DPYD: variants seen among roughly 807,000 people sequenced by gnomAD.
DPYD encodes dihydropyrimidine dehydrogenase [NADP(+)].
A neutral mutation model predicts 116.2 loss-of-function variants in DPYD; 109 were observed. The ratio of observed to expected loss-of-function variants is 0.94; its 90% confidence interval spans 0.80 to 1.10. The LOEUF (loss-of-function observed/expected upper bound fraction) is 1.10, where lower values mean the gene tolerates loss of function less well. DPYD is among the 50% of genes least tolerant of loss of function. The probability of loss-of-function intolerance (pLI) is 0.00; values close to 1 mark genes in which losing one functional copy is unlikely to be tolerated. For missense variants in DPYD, 1,302 were observed against 1,254.5 expected (o/e 1.04, Z -0.57); for synonymous variants, 440 against 432.0 (o/e 1.02, Z -0.23).
chr1:97,169,845 A>G (rs947822179), intron 20 of DPYD, among the ~76,000 whole-genome samples: 1 of 152,116 alleles, frequency 6.6e-6, no homozygotes, highest in Non-Finnish European at 1.5e-5. Context: ...TGCTCATGAC[A>G]CTGGAATCAC....
chr1:97,383,560 T>C (rs1672115529), intron 14 of DPYD, among the ~76,000 whole-genome samples: 1 of 152,108 alleles, frequency 6.6e-6, no homozygotes, highest in African/African-American at 2.4e-5. Flanking sequence ...TACAGTGTGC[T>C]TGGCACTGTT....
intron 18 of DPYD, among the ~76,000 whole-genome samples, chr1:97,247,848 G>T (rs1466126366): frequency 6.6e-6 from 1 of 152,126 alleles, no homozygotes; most frequent in East Asian, 1.9e-4. Context: ...CATAACTATT[G>T]CACAAGTTGA....
intron 8 of DPYD, among the ~76,000 whole-genome samples, chr1:97,623,611 A>G (rs1048343603): frequency 2.6e-5 from 4 of 152,042 alleles, no homozygotes; most frequent in Non-Finnish European, 5.9e-5. Flanking sequence ...TAATTTTCAT[A>G]GAAATAGAGA....
At chr1:97,222,321 C>T (rs1450950655) in intron 19 of DPYD, among the ~76,000 whole-genome samples, 2 of 152,078 alleles carry the variant, frequency 1.3e-5, no homozygotes, top group Admixed American at 6.6e-5. Flanking sequence ...CGCCTGCAAA[C>T]ATCTTAGCTA....
chr1:97,520,726 T>G (rs1648587206), intron 12 of DPYD, among the ~76,000 whole-genome samples: 1 of 151,950 alleles, frequency 6.6e-6, no homozygotes, highest in South Asian at 2.1e-4. Context: ...ATATGTGGTG[T>G]TTGGTTCTCT....
At chr1:97,477,604 C>CTTTTTTTTTTTTTTTTTTTTTTTTTT (rs56199931) in intron 13 of DPYD, among the ~76,000 whole-genome samples, 1 of 113,654 alleles carries the variant, frequency 8.8e-6, no homozygotes, top group African/African-American at 3.4e-5. Flanking sequence ...GACTGTTCTT[C>CTTTTTTTTTTTTTTTTTTTTTTTTTT]TTTTTTTTTT....
intron 2 of DPYD, among the ~76,000 whole-genome samples, chr1:97,869,092 G>C (rs963473479): frequency 6.6e-6 from 1 of 151,766 alleles, no homozygotes; most frequent in Non-Finnish European, 1.5e-5. Context: ...CCACCCTGCA[G>C]CACCAAGCTT....
chr1:97,405,865 T>C (rs1673629477), intron 14 of DPYD, among the ~76,000 whole-genome samples: 2 of 152,088 alleles, frequency 1.3e-5, no homozygotes, highest in South Asian at 4.1e-4. Context: ...GCTCTTTAGG[T>C]CTTGTTAAGA....
At chr1:97,365,165 A>T (rs12563828) in intron 16 of DPYD, among the ~76,000 whole-genome samples, 51,778 of 152,020 alleles carry the variant, frequency 0.34, 9,256 homozygotes, top group East Asian at 0.55. Context: ...TTTAGCCTGA[A>T]ATGCAGTCTC....
In DPYD at chr1:97,452,625, G is replaced by A. The variant is rs999127522; in HGVS notation, c.1741-2402C>T. Among the ~76,000 whole-genome samples, 2 of 152,086 alleles carry A rather than the reference G, an allele frequency of 1.3e-5. 1 individual carries two copies. The highest frequency in any genetic ancestry group is 4.2e-4 in the South Asian group (2 of 4,816). On this transcript the variant is annotated intron_variant, in intron 13 of 22. Transcript: ENST00000370192. ...GGTGGAAATGATTGATTGCATCATG[G>A]GGGAGAATTTCTCATAAATGGTTTA...
At chr1:97,254,161 C>T (rs540639130) in intron 18 of DPYD, among the ~76,000 whole-genome samples, 1 of 152,176 alleles carries the variant, frequency 6.6e-6, no homozygotes, top group Admixed American at 6.6e-5. Flanking sequence ...AGATTCTACC[C>T]AAATATGTTG....
At chr1:97,799,086 C>T (rs1667727957) in intron 3 of DPYD, among the ~76,000 whole-genome samples, 1 of 151,806 alleles carries the variant, frequency 6.6e-6, no homozygotes. Context: ...GGAAACGAGT[C>T]CTGTATAGTC....
chr1:97,182,874 A>G (rs1657737706), intron 20 of DPYD, among the ~76,000 whole-genome samples: 1 of 152,106 alleles, frequency 6.6e-6, no homozygotes, highest in African/African-American at 2.4e-5. Context: ...ATAAAATTAA[A>G]TTTTCTAATT....
chr1:97,659,566 T>C (rs2100863611), intron 8 of DPYD, among the ~76,000 whole-genome samples: 1 of 152,312 alleles, frequency 6.6e-6, no homozygotes, highest in African/African-American at 2.4e-5. Context: ...CATGGCTAAT[T>C]AAGTCTTTAA....
chr1:97,576,878 C>G (rs377014421), intron 10 of DPYD, among the ~76,000 whole-genome samples: 5 of 152,162 alleles, frequency 3.3e-5, no homozygotes, highest in African/African-American at 9.7e-5. Context: ...TAGAACTAGA[C>G]TATTAAGCAG....
At chr1:97,683,495 T>G (rs1660541208) in intron 7 of DPYD, among the ~76,000 whole-genome samples, 1 of 151,868 alleles carries the variant, frequency 6.6e-6, no homozygotes, top group African/African-American at 2.4e-5. Flanking sequence ...ATCAGAATAC[T>G]TTGGGAAATG....
intron 6 of DPYD, among the ~76,000 whole-genome samples, chr1:97,694,340 G>A (rs531613458): frequency 6.6e-6 from 1 of 152,130 alleles, no homozygotes; most frequent in Non-Finnish European, 1.5e-5. Flanking sequence ...GCAAATAGAC[G>A]AAACACATAC....
At chr1:97,868,451 C>G (rs1458730528) in intron 2 of DPYD, among the ~76,000 whole-genome samples, 2 of 151,690 alleles carry the variant, frequency 1.3e-5, no homozygotes, top group Non-Finnish European at 2.9e-5. Flanking sequence ...GATTAATCAT[C>G]TGAATTACCA....
At chr1:97,832,322 G>A (rs542592161) in intron 2 of DPYD, among the ~76,000 whole-genome samples, 3 of 152,138 alleles carry the variant, frequency 2.0e-5, no homozygotes, top group South Asian at 2.1e-4. Flanking sequence ...CAAACTCCTC[G>A]CGAGTCCGCT....
Sources: gnomAD v4.1 joint callset for allele counts (sites outside exome capture counted in the v4.1 genomes callset) on GRCh38, gnomAD v4.1.1 for gene constraint, MANE v1.5 for transcripts, NCBI Gene and HGNC (gene_info 2026-07-23, HGNC 2026-07-21) for gene names.